The following TLR3 variants were observed in gnomAD, a reference collection of about 807,000 sequenced individuals.
TLR3 encodes toll-like receptor 3.
Under a neutral mutation model 66.4 loss-of-function variants are expected in TLR3, and 43 were observed. That is an observed-to-expected ratio of 0.65 (90% CI 0.51 to 0.83). The LOEUF is 0.83. Among genes scored for constraint, TLR3 ranks in the 40% least tolerant of loss-of-function variants. TLR3 has a pLI of 0.00. For missense variants in TLR3, 982 were observed against 1,044.6 expected (o/e 0.94, Z 0.83); for synonymous variants, 397 against 397.2 (o/e 1.00, Z 0.01).
chr4:186,084,631 AT>A lies in TLR3; in HGVS notation c.2487-7del, dbSNP rs779960687. 1.9e-6 allele frequency: 3 copies of A among 1,554,090 alleles called. No homozygotes were observed. Among genetic ancestry groups the A allele is most frequent in the Non-Finnish European group, 2.7e-6 (3 of 1,126,704 alleles). On this transcript the variant is annotated splice_polypyrimidine_tract_variant and intron_variant, in intron 4 of 4. Transcript: ENST00000296795. ...AAACCGTATATTAATTCTTCAATACATTTTTTTACTTAGATTCAAGGTACAT... is the reference window on the plus strand; with the variant it reads ...AAACCGTATATTAATTCTTCAATACATTTTTTACTTAGATTCAAGGTACAT...
chr4:186,073,355 A>G (rs915401575), intron 1 of TLR3, among the ~76,000 whole-genome samples: 1 of 152,042 alleles, frequency 6.6e-6, no homozygotes, highest in African/African-American at 2.4e-5. Flanking sequence ...CCCTGTCTCT[A>G]CTACAAATAT....
At chr4:186,077,934 A>G (rs6811484) in intron 2 of TLR3, among the ~76,000 whole-genome samples, 48,946 of 151,970 alleles carry the variant, frequency 0.32, 8,081 homozygotes, top group East Asian at 0.44. Flanking sequence ...ATGGCCTTAT[A>G]AAAAATTGAA....
chr4:186,083,736 C>T lies in TLR3; in HGVS notation c.2050C>T (p.His684Tyr). Residue 684 changes from histidine to tyrosine, a missense_variant, in exon 4 of 5, where the codon CAT (histidine) becomes TAT (tyrosine). His to Tyr is a moderately conservative substitution (Grantham distance 83). Coordinates refer to ENST00000296795, the MANE Select transcript of TLR3 (RefSeq NM_003265.3). This position sits in a 1 kb window ranked among gnomAD's most constrained non-coding sequence, Gnocchi z 4.0. ...HYLCNTPPHY[H>Y]GFPVRLFDTS... Reference sequence around the variant, plus strand: ...CCTTTGCAACACTCCACCTCACTATCATGGGTTCCCAGTGAGACTTTTTGA... The same window carrying T: ...CCTTTGCAACACTCCACCTCACTATTATGGGTTCCCAGTGAGACTTTTTGA... 1 of 1,613,160 alleles carries T rather than the reference C, an allele frequency of 6.2e-7. No homozygotes were observed. The highest frequency in any genetic ancestry group is 8.5e-7 in the Non-Finnish European group (1 of 1,179,590).
intron 1 of TLR3, among the ~76,000 whole-genome samples, chr4:186,074,543 C>T (rs944629220): frequency 6.6e-6 from 1 of 152,142 alleles, no homozygotes; most frequent in African/African-American, 2.4e-5. Flanking sequence ...GTGGAGGCCT[C>T]GGACATGACT....
rs1256276934 is a variant in TLR3 at position 186,083,126 on chromosome 4, A to C, written c.1440A>C (p.Pro480=). The C allele has an allele frequency of 6.2e-7, 1 of 1,614,194 alleles. No homozygotes were observed. The highest frequency in any genetic ancestry group is 8.5e-7 in the Non-Finnish European group (1 of 1,180,020). The change falls in exon 4 of 5, where the codon CCA becomes CCC. Residue 480 remains proline (P), a synonymous_variant. Transcript: ENST00000296795. The surrounding 1 kb of genome is among the most constrained non-coding windows in gnomAD (Gnocchi z 4.0). ...CTAGGAACTCCTTTGCCTTGGTCCCAAGCCTTCAACGACTGATGCTCCGAA... is the reference window on the plus strand; with the variant it reads ...CTAGGAACTCCTTTGCCTTGGTCCCCAGCCTTCAACGACTGATGCTCCGAA... ...QLTRNSFALV[P]SLQRLMLRRV...
Position 186,084,631 on chromosome 4 carries a change from A to T in TLR3, c.2487-14A>T. On this transcript the variant is annotated splice_polypyrimidine_tract_variant and intron_variant, in intron 4 of 4. Coordinates refer to ENST00000296795, the MANE Select transcript of TLR3 (RefSeq NM_003265.3). ...AAACCGTATATTAATTCTTCAATAC[A>T]TTTTTTTACTTAGATTCAAGGTACA... 3 of 1,554,114 alleles carry T rather than the reference A, an allele frequency of 1.9e-6. No homozygotes were observed. Among genetic ancestry groups the T allele is most frequent in the Non-Finnish European group, 2.7e-6 (3 of 1,126,720 alleles).
At chr4:186,076,113 CA>C (rs1449589244) in intron 1 of TLR3, among the ~76,000 whole-genome samples, 2 of 152,160 alleles carry the variant, frequency 1.3e-5, no homozygotes, top group African/African-American at 4.8e-5. Flanking sequence ...GAGATTGCAC[CA>C]TTGCACTCCA....
chr4:186,080,871 C>T (rs916491420), intron 3 of TLR3, among the ~76,000 whole-genome samples: 1 of 152,078 alleles, frequency 6.6e-6, no homozygotes, highest in African/African-American at 2.4e-5. Flanking sequence ...GGATTACAGG[C>T]GTGAGCCACC....
rs2099304378 is a variant in TLR3 at position 186,086,460 on chromosome 4, A to C, written c.*1587A>C. On this transcript the variant is annotated 3_prime_UTR_variant, in exon 5 of 5. Transcript: ENST00000296795. ...AATATCCACTGTACCTCTGGTTCTGAAGAGTCTATAGTCGGCCAACACTGT... is the reference window on the plus strand; with the variant it reads ...AATATCCACTGTACCTCTGGTTCTGCAGAGTCTATAGTCGGCCAACACTGT... 6.6e-6 allele frequency: 1 copy of C among 152,240 alleles called. No individual in the cohort carries two copies. Among genetic ancestry groups the C allele is most frequent in the African/African-American group, 2.4e-5 (1 of 41,460 alleles). 9.4% of individuals were successfully genotyped at this position (152,240 alleles called of 1,614,324 possible).
chr4:186,082,223 T>A (rs1306154567), intron 3 of TLR3, 97 bp from the exon 4 acceptor site: 16 of 503,068 alleles, frequency 3.2e-5, no homozygotes, highest in Admixed American at 2.4e-4. Context: ...AGACTCCGTC[T>A]CAAAAAAAAA....
At position 186,085,554 on chromosome 4, in the gene TLR3, A is replaced by T. The variant is rs1326122114; in HGVS notation, c.*681A>T. On this transcript the variant is annotated 3_prime_UTR_variant, in exon 5 of 5. Coordinates refer to ENST00000296795, the MANE Select transcript of TLR3 (RefSeq NM_003265.3). ...TGGAAACAATTCTCTTACTAAAAGT[A>T]TTGTAGGCAGGCTTGCTTTCTGAAG... 1 of 152,352 alleles carries T rather than the reference A, an allele frequency of 6.6e-6. No homozygotes were observed. Among genetic ancestry groups the T allele is most frequent in the Non-Finnish European group, 1.5e-5 (1 of 68,160 alleles). The allele number at this position is 152,352 out of a possible 1,614,324, so 9.4% of individuals were successfully genotyped here. A position where few individuals can be genotyped will look rare whatever the true frequency, so the allele number is the denominator to read the frequency against.
chr4:186,077,111 C>T (rs370696782), intron 2 of TLR3, 51 bp downstream of exon 2: 1 of 1,536,724 alleles, frequency 6.5e-7, no homozygotes, highest in Non-Finnish European at 8.9e-7. Flanking sequence ...AGTTACCCAT[C>T]CTTAGACTTA....
intron 3 of TLR3, among the ~76,000 whole-genome samples, chr4:186,080,561 G>C (rs1579729328): frequency 6.7e-6 from 1 of 149,500 alleles, no homozygotes; most frequent in South Asian, 2.1e-4. Context: ...TATGTATATA[G>C]TATTTTTAAT....
rs929907117 is a variant in TLR3 at position 186,076,708 on chromosome 4, T to G, written c.89T>G (p.Val30Gly). Reference sequence around the variant, plus strand: ...GCATCCTCCACCACCAAGTGCACTGTTAGCCATGAAGTTGCTGACTGCAGC... The same window carrying G: ...GCATCCTCCACCACCAAGTGCACTGGTAGCCATGAAGTTGCTGACTGCAGC... ...LCASSTTKCTVSHEVADCSHL... is the reference protein window; with the variant it reads ...LCASSTTKCTGSHEVADCSHL... The change falls in exon 2 of 5, where the codon GTT becomes GGT. Residue 30 changes from valine (V) to glycine (G), a missense_variant. Physicochemically the swap from Val to Gly is moderately radical, Grantham distance 109. Around this residue, in one of 3 missense-constraint regions of TLR3, gnomAD observed 313 missense variants for 319.0 expected, o/e 0.98. Transcript: ENST00000296795. The G allele has an allele frequency of 6.2e-6, 10 of 1,614,214 alleles. No individual in the cohort carries two copies. The highest frequency in any genetic ancestry group is 8.5e-6 in the Non-Finnish European group (10 of 1,180,034).
intron 1 of TLR3, among the ~76,000 whole-genome samples, chr4:186,073,394 C>A (rs939460189): frequency 6.6e-6 from 1 of 152,052 alleles, no homozygotes; most frequent in South Asian, 2.1e-4. Flanking sequence ...GTGGCGCGTG[C>A]CTGTAGTCCC....
intron 1 of TLR3, 131 bp downstream of exon 1, chr4:186,069,379 GAATTATTCAGGAAGGA>G (rs2099301045): frequency 6.6e-6 from 1 of 152,162 alleles, no homozygotes; most frequent in Non-Finnish European, 1.5e-5. Flanking sequence ...AATCTAGTCA[GAATTATTCAGGAAGGA>G]AAGTGGAAGA....
chr4:186,071,931 T>A (rs1388418596), intron 1 of TLR3, among the ~76,000 whole-genome samples: 2 of 152,244 alleles, frequency 1.3e-5, no homozygotes, highest in African/African-American at 4.8e-5. Context: ...TGTATTTGAT[T>A]TTTTAAAATA....
intron 3 of TLR3, among the ~76,000 whole-genome samples, chr4:186,080,188 T>C (rs2099303190): frequency 2.2e-5 from 3 of 136,788 alleles, no homozygotes; most frequent in Admixed American, 7.1e-5. Flanking sequence ...TACAACTCTA[T>C]TTTTTTTTTC....
chr4:186,083,900 ACATCG>A lies in TLR3; in HGVS notation c.2215_2219del (p.His739SerfsTer15). 3 of 1,614,198 alleles carry A rather than the reference ACATCG, an allele frequency of 1.9e-6. No individual in the cohort carries two copies. The highest frequency in any genetic ancestry group is 2.5e-6 in the Non-Finnish European group (3 of 1,180,030). The stretch of plus-strand genomic sequence containing the variant: ...TATCTTTTTATTGGAATGTTTCAGT[ACATCG>A]AGTTCTTGGTTTCAAAGAAATAGAC... On this transcript the variant is annotated frameshift_variant, in exon 4 of 5. Transcript: ENST00000296795. LOFTEE classifies it high-confidence loss of function. The surrounding 1 kb of genome is among the most constrained non-coding windows in gnomAD (Gnocchi z 4.0).
Sources: gnomAD v4.1 joint callset for allele counts (sites outside exome capture counted in the v4.1 genomes callset) on GRCh38, gnomAD v4.1.1 for gene constraint, gnomAD v4.1.1 regional missense constraint, Gnocchi (gnomAD v3.1) non-coding constraint, MANE v1.5 for transcripts, NCBI Gene and HGNC (gene_info 2026-07-23, HGNC 2026-07-21) for gene names.